Variants in FGF13 observed in about 807,000 individuals in gnomAD.
FGF13 encodes the protein fibroblast growth factor 13, also known as fibroblast growth factor homologous factor 2.
A neutral mutation model predicts 19.5 loss-of-function variants in FGF13; 2 were observed. The ratio of observed to expected loss-of-function variants is 0.10; its 90% confidence interval spans 0.04 to 0.32. The LOEUF (loss-of-function observed/expected upper bound fraction) is 0.32, where lower values mean the gene tolerates loss of function less well. FGF13 is among the 10% of genes least tolerant of loss of function. The probability of loss-of-function intolerance (pLI) is 1.00; values close to 1 mark genes in which losing one functional copy is unlikely to be tolerated. For synonymous variants in FGF13, 72 were observed against 76.9 expected (o/e 0.94, Z 0.33); for missense variants, 113 against 192.7 (o/e 0.59, Z 2.45).
intron 1 of FGF13, among the ~76,000 whole-genome samples, chrX:138,983,613 G>GT: frequency 9.2e-6 from 1 of 108,611 alleles, no homozygotes; most frequent in Middle Eastern, 4.8e-3. Context: ...ATGGAAATCA[G>GT]TATTGAGGTT....
chrX:138,984,331 C>T (rs1352427536), intron 1 of FGF13, among the ~76,000 whole-genome samples: 5 of 107,427 alleles, frequency 4.7e-5, no homozygotes, highest in Admixed American at 1.0e-4. Flanking sequence ...TCGCTTGAAC[C>T]CGGGAGGCGG....
chrX:139,088,776 G>C (rs2083420783), intron 1 of FGF13, among the ~76,000 whole-genome samples: 1 of 111,566 alleles, frequency 9.0e-6, no homozygotes, highest in Non-Finnish European at 1.9e-5. Context: ...CTGAATGTCT[G>C]CATCCCCACA....
chrX:139,079,979 G>A (rs187686266), intron 1 of FGF13, among the ~76,000 whole-genome samples: 23 of 96,157 alleles, frequency 2.4e-4, no homozygotes, highest in African/African-American at 9.5e-4. Flanking sequence ...CAACATCACC[G>A]TCATCATCAC....
chrX:138,933,070 T>C (rs1391538018), intron 1 of FGF13, among the ~76,000 whole-genome samples: 1 of 111,419 alleles, frequency 9.0e-6, no homozygotes, highest in Non-Finnish European at 1.9e-5. Flanking sequence ...ATGCTGCCTT[T>C]AGATAAAAAT....
chrX:138,919,538 G>T (rs1195918188), intron 1 of FGF13, among the ~76,000 whole-genome samples: 1 of 111,943 alleles, frequency 8.9e-6, no homozygotes, highest in African/African-American at 3.2e-5. Context: ...CTTTCAATGG[G>T]TAAACCGACA....
intron 1 of FGF13, among the ~76,000 whole-genome samples, chrX:139,052,392 G>A (rs1488471516): frequency 8.9e-6 from 1 of 112,246 alleles, no homozygotes; most frequent in African/African-American, 3.2e-5. Context: ...CCATGTCACT[G>A]CAGTCTTTTT....
At chrX:138,893,118 A>G (rs1471568524) in intron 1 of FGF13, among the ~76,000 whole-genome samples, 1 of 111,598 alleles carries the variant, frequency 9.0e-6, no homozygotes, top group Non-Finnish European at 1.9e-5. Context: ...GGGGACAATT[A>G]AGAGACTCCC....
chrX:138,743,866 G>T (rs1479574139), upstream of FGF13, among the ~76,000 whole-genome samples: 1 of 111,003 alleles, frequency 9.0e-6, no homozygotes, highest in Admixed American at 9.6e-5. Flanking sequence ...AGGTCACAGA[G>T]ATGGCAATTT....
intron 1 of FGF13, among the ~76,000 whole-genome samples, chrX:138,876,549 A>G (rs1033225142): frequency 1.8e-5 from 2 of 112,171 alleles, no homozygotes; most frequent in African/African-American, 6.5e-5. Context: ...AGCTCGGAAT[A>G]GGCCCTGTGT....
chrX:138,737,742 T>C, intron 1 of FGF13, among the ~76,000 whole-genome samples: 1 of 111,701 alleles, frequency 9.0e-6, no homozygotes, highest in South Asian at 3.7e-4. Flanking sequence ...ACTCAAATAC[T>C]TTACAAGCAG....
chrX:138,727,079 A>T (rs939186487), intron 1 of FGF13, among the ~76,000 whole-genome samples: 5 of 110,732 alleles, frequency 4.5e-5, no homozygotes, highest in African/African-American at 1.6e-4. Context: ...TGTGTATCTC[A>T]TTTTTTTCTG....
At chrX:138,923,950 G>A (rs1447282986) in intron 1 of FGF13, among the ~76,000 whole-genome samples, 2 of 112,006 alleles carry the variant, frequency 1.8e-5, no homozygotes, top group Non-Finnish European at 3.8e-5. Context: ...TCTCTCTCTA[G>A]TGGCATCATT....
At chrX:139,191,868 T>G (rs2084332532) in intron 1 of FGF13, among the ~76,000 whole-genome samples, 2 of 111,780 alleles carry the variant, frequency 1.8e-5, no homozygotes, top group African/African-American at 6.5e-5. Context: ...AGGTTCAAGC[T>G]ATCATAAGGG....
rs535983643 is a variant in FGF13, at chrX:138,777,644, G to A, written c.218-68716C>T. On this transcript the variant is annotated intron_variant, in intron 3 of 6. Transcript: ENST00000436198. Reference sequence around the variant, plus strand: ...CTGCTCCCTCAGGCAGCACAAGCAAGGACCAGTGGGAGTTCCCAAGGCACC... The same window carrying A: ...CTGCTCCCTCAGGCAGCACAAGCAAAGACCAGTGGGAGTTCCCAAGGCACC... 2.7e-5 allele frequency among the ~76,000 whole-genome samples: 3 copies of A among 111,805 alleles called. No individual in the cohort carries two copies. The South Asian group carries it at 1.1e-3, about 42-fold the overall frequency.
At chrX:138,875,367 T>C (rs963046138) in intron 1 of FGF13, among the ~76,000 whole-genome samples, 2 of 111,812 alleles carry the variant, frequency 1.8e-5, no homozygotes, top group African/African-American at 6.5e-5. Context: ...CAGCAACAGA[T>C]GCAGGAAACA....
At chrX:138,688,635 C>A (rs1485632334) in intron 3 of FGF13, among the ~76,000 whole-genome samples, 2 of 110,085 alleles carry the variant, frequency 1.8e-5, no homozygotes, top group African/African-American at 6.6e-5. Flanking sequence ...TAAAAAAAAA[C>A]CTACCCCAGT....
intron 1 of FGF13, among the ~76,000 whole-genome samples, chrX:139,084,770 T>A (rs949518775): frequency 1.2e-4 from 13 of 112,533 alleles, no homozygotes; most frequent in Admixed American, 8.5e-4. Context: ...AAGCTATCAT[T>A]TGTTCCTCTG....
intron 1 of FGF13, among the ~76,000 whole-genome samples, chrX:139,002,129 G>A (rs181592272): frequency 1.6e-4 from 18 of 110,748 alleles, no homozygotes; most frequent in African/African-American, 4.6e-4. Flanking sequence ...TCATAAGTGG[G>A]AGATGAGCAA....
chrX:138,979,626 A>T (rs940965972), intron 1 of FGF13, among the ~76,000 whole-genome samples: 1 of 110,402 alleles, frequency 9.1e-6, no homozygotes, highest in Non-Finnish European at 1.9e-5. Context: ...AGTATGGAGC[A>T]TTGTACCAGA....
Sources: allele counts gnomAD v4.1 joint callset (sites outside exome capture counted in the v4.1 genomes callset), GRCh38; gene constraint gnomAD v4.1.1; transcripts MANE v1.5; gene names NCBI Gene and HGNC (gene_info 2026-07-23, HGNC 2026-07-21).